The following ADAP1 variants were observed in gnomAD, a reference collection of about 807,000 sequenced individuals.
ADAP1 encodes the protein arf-GAP with dual PH domain-containing protein 1.
Under a neutral mutation model 54.9 loss-of-function variants are expected in ADAP1, and 31 were observed. The ratio of observed to expected loss-of-function variants is 0.56; its 90% CI spans 0.42 to 0.76. The LOEUF (loss-of-function observed/expected upper bound fraction) is 0.76, where lower values mean the gene tolerates loss of function less well. ADAP1 is among the 30% of genes least tolerant of loss of function. The pLI, the probability that ADAP1 is intolerant of heterozygous loss-of-function variation, is 0.00. For missense variants in ADAP1, 535 were observed against 512.4 expected (o/e 1.04, Z -0.42); for synonymous variants, 313 against 202.6 (o/e 1.55, Z -4.63).
At position 931,017 on chromosome 7, in the gene ADAP1, G is replaced by A. The variant is rs527836404; in HGVS notation, c.213+4358C>T. On this transcript the variant is annotated intron_variant, in intron 2 of 10. Transcript: ENST00000265846. ...AAAGAGAAAGGAAGGAAGGAAGGAG[G>A]GTAGGGAGGGACGGAGGGACTGAGG... Among the ~76,000 whole-genome samples, 462 of 150,518 alleles carry A rather than the reference G, an allele frequency of 3.1e-3. 1 individual carries two copies. The highest frequency in any genetic ancestry group is 0.011 in the African/African-American group (440 of 40,964).
intron 4 of ADAP1, among the ~76,000 whole-genome samples, chr7:905,779 GA>G (rs1845222567): frequency 3.1e-5 from 1 of 31,804 alleles, no homozygotes; most frequent in Non-Finnish European, 7.0e-5. Flanking sequence ...GGAGAAAGGA[GA>G]AAGGAGAAAG....
Position 897,944 on chromosome 7 carries a change from G to A in ADAP1, c.*977C>T, listed in dbSNP as rs1203731687. On this transcript the variant is annotated 3_prime_UTR_variant, in exon 11 of 11. Transcript: ENST00000265846. ...CATTTTATTCCAGGATGCGACACGG[G>A]GCGGCGGATGCCTGGCCTCGGAAAC... 6.6e-6 allele frequency: 1 copy of A among 152,310 alleles called. No homozygotes were observed. The highest frequency in any genetic ancestry group is 1.5e-5 in the Non-Finnish European group (1 of 68,134). 9.4% of individuals were successfully genotyped at this position (152,310 alleles called of 1,614,324 possible).
Position 899,124 on chromosome 7 carries a change from CAG to C in ADAP1, c.1003_1004del (p.Leu335ValfsTer38), listed in dbSNP as rs1193249629. On this transcript the variant is annotated frameshift_variant, in exon 10 of 11. Transcript: ENST00000265846. LOFTEE classifies it high-confidence loss of function. The stretch of plus-strand genomic sequence containing the variant: ...GGTCGGACTCCGTCTCGCAGGCAAA[CAG>C]AAACTTGCGGTCGGGCGTGACGATG... ...ITIVTPDRKF[L>X]FACETESDQR... 17 of 1,609,528 alleles carry C rather than the reference CAG, an allele frequency of 1.1e-5. No homozygotes were observed. The highest frequency in any genetic ancestry group is 3.3e-5 in the Admixed American group (2 of 60,012).
At chr7:903,235 C>G (rs141542278) in intron 6 of ADAP1, among the ~76,000 whole-genome samples, 3 of 152,136 alleles carry the variant, frequency 2.0e-5, no homozygotes, top group Non-Finnish European at 2.9e-5. Context: ...AGGGGCTGCA[C>G]CCGACTCGGC....
chr7:935,385 G>C lies in ADAP1; in HGVS notation c.203C>G (p.Ala68Gly). The change falls in exon 2 of 11, where the codon GCC becomes GGC. Residue 68 changes from alanine (A) to glycine (G), a missense_variant. Coordinates refer to ENST00000265846, the MANE Select transcript of ADAP1 (RefSeq NM_006869.4). Reference sequence around the variant, plus strand: ...CCTCCCCCTCCGTACCTCCACTTGGGCCTCCTCCCAGGCGTCCAGGCGGAC... The same window carrying C: ...CCTCCCCCTCCGTACCTCCACTTGGCCCTCCTCCCAGGCGTCCAGGCGGAC... ...KSVRLDAWEE[A>G]QVEFMASHGN... 6.4e-7 allele frequency: 1 copy of C among 1,559,924 alleles called. No individual in the cohort carries two copies. The highest frequency in any genetic ancestry group is 8.7e-7 in the Non-Finnish European group (1 of 1,151,932).
At chr7:929,264 C>T (rs1445589692) in intron 2 of ADAP1, among the ~76,000 whole-genome samples, 2 of 149,188 alleles carry the variant, frequency 1.3e-5, no homozygotes, top group South Asian at 2.1e-4. Context: ...AGCACTCCAG[C>T]GTGGCTGACA....
chr7:912,472 G>A (rs938990010), intron 4 of ADAP1, among the ~76,000 whole-genome samples: 1 of 152,174 alleles, frequency 6.6e-6, no homozygotes, highest in African/African-American at 2.4e-5. Flanking sequence ...AGTGACCTTG[G>A]CCCAGGGAGG....
Position 920,265 on chromosome 7 carries a change from T to G in ADAP1, c.306-215A>C, listed in dbSNP as rs1410350524. 1.3e-5 allele frequency among the ~76,000 whole-genome samples: 2 copies of G among 152,002 alleles called. No individual in the cohort carries two copies. The highest frequency in any genetic ancestry group is 1.5e-5 in the Non-Finnish European group (1 of 67,990). On this transcript the variant is annotated intron_variant, in intron 3 of 10. Coordinates refer to ENST00000265846, the MANE Select transcript of ADAP1 (RefSeq NM_006869.4). The surrounding 1 kb of genome is among the most constrained non-coding windows in gnomAD (Gnocchi z 4.5). ...CTGATATTAGTTTATTGGTTTCTTGTGCGTTCGGCCCCCGGAGCATCAGGC... is the reference window on the plus strand; with the variant it reads ...CTGATATTAGTTTATTGGTTTCTTGGGCGTTCGGCCCCCGGAGCATCAGGC...
intron 4 of ADAP1, among the ~76,000 whole-genome samples, chr7:907,164 C>G (rs1845502436): frequency 6.6e-6 from 1 of 152,150 alleles, no homozygotes; most frequent in African/African-American, 2.4e-5. Context: ...CCGCCTGTGG[C>G]CTCACGCACA....
chr7:931,968 A>G (rs992530013), intron 2 of ADAP1, among the ~76,000 whole-genome samples: 4 of 152,114 alleles, frequency 2.6e-5, no homozygotes, highest in African/African-American at 9.7e-5. Flanking sequence ...GCCTGAGTGC[A>G]GGGAGCCAGG....
chr7:918,482 C>T (rs1322177705), intron 4 of ADAP1, among the ~76,000 whole-genome samples: 2 of 152,186 alleles, frequency 1.3e-5, no homozygotes, highest in Non-Finnish European at 2.9e-5. Flanking sequence ...GCTAGGATTA[C>T]AGGCCTGAGA....
chr7:899,516 C>T lies in ADAP1; in HGVS notation c.796-26G>A, dbSNP rs1110055. 9.2e-3 allele frequency: 14,870 copies of T among 1,607,986 alleles called. 97 individuals are homozygous for T. Among genetic ancestry groups the T allele is most frequent in the South Asian group, 0.02 (1,814 of 90,386 alleles). On this transcript the variant is annotated intron_variant, in intron 8 of 10. Transcript: ENST00000265846. ...CTGTGGGTCAGAGAGGGCCCGTGAC[C>T]GGCAGGTCGCCGAGGCAGGCCCTAC...
intron 4 of ADAP1, among the ~76,000 whole-genome samples, chr7:912,548 G>A (rs1031668252): frequency 4.6e-5 from 7 of 152,170 alleles, no homozygotes; most frequent in African/African-American, 9.7e-5. Flanking sequence ...CCACAGCGAC[G>A]CACCTTCCGC....
At chr7:948,048 C>G (rs1013780808) in intron 1 of ADAP1, among the ~76,000 whole-genome samples, 1 of 151,980 alleles carries the variant, frequency 6.6e-6, no homozygotes, top group African/African-American at 2.4e-5. Flanking sequence ...GAGGACCCAG[C>G]ACTGCCAGGG....
At chr7:905,655 A>AAAGGAGAAAGGAGAAAGG (rs1562912548) in intron 4 of ADAP1, 2 of 33,522 alleles carry the variant, frequency 6.0e-5, no homozygotes, top group Non-Finnish European at 5.7e-5. Context: ...AAGGGAAAGG[A>AAAGGAGAAAGGAGAAAGG]GAAAGGAGAA....
At position 920,980 on chromosome 7, in the gene ADAP1, C is replaced by T. The variant is rs1327718778; in HGVS notation, c.306-930G>A. On this transcript the variant is annotated intron_variant, in intron 3 of 10. Coordinates refer to ENST00000265846, the MANE Select transcript of ADAP1 (RefSeq NM_006869.4). This position sits in a 1 kb window ranked among gnomAD's most constrained non-coding sequence, Gnocchi z 4.5. ...GGGCGGGAATCCTCGCCCACAGGAT[C>T]TGATGGGTGATGGGTCCCAGCTGGG... The T allele has an allele frequency of 1.0e-6, 1 of 998,184 alleles. No individual in the cohort carries two copies. The highest frequency in any genetic ancestry group is 1.5e-5 in the South Asian group (1 of 64,590). 61.8% of individuals were successfully genotyped at this position (998,184 alleles called of 1,614,324 possible). A position where few individuals can be genotyped will look rare whatever the true frequency, so the allele number is the denominator to read the frequency against.
chr7:910,679 C>G (rs780548730), intron 4 of ADAP1, among the ~76,000 whole-genome samples: 1 of 152,220 alleles, frequency 6.6e-6, no homozygotes, highest in Non-Finnish European at 1.5e-5. Flanking sequence ...CAGGGAAGCA[C>G]GTGGCCCTGC....
chr7:908,144 G>A (rs1046965258), intron 4 of ADAP1, among the ~76,000 whole-genome samples: 3 of 152,144 alleles, frequency 2.0e-5, no homozygotes, highest in Admixed American at 6.5e-5. Flanking sequence ...CCACAGGGAC[G>A]CGAGGGGGCT....
intron 5 of ADAP1, among the ~76,000 whole-genome samples, 191 bp downstream of exon 5, chr7:904,869 C>T (rs1223207610): frequency 6.6e-6 from 1 of 152,242 alleles, no homozygotes; most frequent in Non-Finnish European, 1.5e-5. Context: ...TCAGCTGCCC[C>T]ACCCTGGGGG....
Sources: allele counts gnomAD v4.1 joint callset (sites outside exome capture counted in the v4.1 genomes callset), GRCh38; gene constraint gnomAD v4.1.1; non-coding constraint Gnocchi (gnomAD v3.1); transcripts MANE v1.5; gene names NCBI Gene and HGNC (gene_info 2026-07-23, HGNC 2026-07-21).